Variants in ISCA1 observed in about 807,000 individuals in gnomAD.
ISCA1 encodes iron-sulfur cluster assembly 1, also known as iron-sulfur cluster assembly 1 homolog, mitochondrial.
ISCA1 carries 9 observed loss-of-function variants against 14.7 expected under a neutral mutation model. The ratio of observed to expected loss-of-function variants is 0.61; its 90% CI spans 0.37 to 1.07. The LOEUF (loss-of-function observed/expected upper bound fraction) is 1.07. Among genes scored for constraint, ISCA1 ranks in the 50% least tolerant of loss-of-function variants. The pLI is 0.01. For synonymous variants in ISCA1, 38 were observed against 54.3 expected, an observed-to-expected ratio of 0.70 and a Z score of 1.32; for missense variants, 102 against 150.1, an observed-to-expected ratio of 0.68 and a Z score of 1.67.
chr9:86,274,735 A>G (rs1825419965), intron 1 of ISCA1, among the ~76,000 whole-genome samples: 1 of 152,114 alleles, frequency 6.6e-6, no homozygotes, highest in Non-Finnish European at 1.5e-5. Context: ...GCATAGCTTG[A>G]GGAAACAGTG....
intron 1 of ISCA1, among the ~76,000 whole-genome samples, chr9:86,280,552 G>A (rs976766990): frequency 3.5e-5 from 5 of 143,506 alleles, no homozygotes; most frequent in African/African-American, 5.3e-5. Context: ...CTGAGATCAC[G>A]CCACTGCACT....
chr9:86,278,736 A>T (rs1297095204), intron 1 of ISCA1, among the ~76,000 whole-genome samples: 2 of 152,222 alleles, frequency 1.3e-5, no homozygotes, highest in East Asian at 3.8e-4. Flanking sequence ...GAAACAATTT[A>T]ACAAATTATT....
chr9:86,274,835 A>G (rs1028788126), intron 1 of ISCA1, among the ~76,000 whole-genome samples: 2 of 152,224 alleles, frequency 1.3e-5, no homozygotes, highest in African/African-American at 4.8e-5. Flanking sequence ...TTAAACCAAC[A>G]TCTCAGGAGA....
chr9:86,267,206 G>C (rs369188160), intron 3 of ISCA1: 35 of 470,616 alleles, frequency 7.4e-5, no homozygotes, highest in African/African-American at 6.5e-4. Context: ...GCCTGGGTAA[G>C]AGAGCAAGAC....
rs959161776 is a variant in ISCA1 at position 86,282,472 on chromosome 9, G to A, written c.-14C>T. 4.5e-6 allele frequency: 7 copies of A among 1,550,806 alleles called. 1 individual carries two copies. The highest frequency in any genetic ancestry group is 2.7e-5 in the African/African-American group (2 of 73,086). On this transcript the variant is annotated 5_prime_UTR_variant, in exon 1 of 4. Transcript: ENST00000375991. ...GGAAGCCGACATCTTCGCCGTCCCG[G>A]CGCCCCGGTGCCTCGGGCCGAAGGT...
At position 86,280,379 on chromosome 9, in the gene ISCA1, T is replaced by C. The variant is rs551381479; in HGVS notation, c.81+1999A>G. Among the ~76,000 whole-genome samples the C allele has an allele frequency of 2.0e-5, 3 of 150,732 alleles. No individual in the cohort carries two copies. In the South Asian group the frequency reaches 6.3e-4, roughly 32 times the overall value. ...GACGAGTGGATCACGAGGTCAGGAGTCCAAGACCAGCCTGGTGAAGATGGT... is the reference window on the plus strand; with the variant it reads ...GACGAGTGGATCACGAGGTCAGGAGCCCAAGACCAGCCTGGTGAAGATGGT... On this transcript the variant is annotated intron_variant, in intron 1 of 3. Transcript: ENST00000375991.
intron 3 of ISCA1, among the ~76,000 whole-genome samples, chr9:86,268,909 C>T (rs1009485204): frequency 6.6e-6 from 1 of 152,162 alleles, no homozygotes; most frequent in Non-Finnish European, 1.5e-5. Context: ...GATTCTCCTG[C>T]CTCAGCCTCC....
intron 1 of ISCA1, 192 bp downstream of exon 1, chr9:86,282,186 C>T (rs1326176518): frequency 6.3e-6 from 4 of 633,332 alleles, no homozygotes; most frequent in African/African-American, 3.9e-5. Flanking sequence ...CAGCCCCGCC[C>T]GGGACTTGTT....
chr9:86,281,282 G>T (rs747342417), intron 1 of ISCA1, among the ~76,000 whole-genome samples: 39 of 152,138 alleles, frequency 2.6e-4, no homozygotes, highest in Non-Finnish European at 5.1e-4. Flanking sequence ...CTAAAAAATT[G>T]ATTATAAAAA....
Position 86,265,888 on chromosome 9 carries a change from A to G in ISCA1, c.*155T>C. 1 of 1,196,880 alleles carries G rather than the reference A, an allele frequency of 8.4e-7. No homozygotes were observed. Among genetic ancestry groups the G allele is most frequent in the Non-Finnish European group, 1.2e-6 (1 of 803,870 alleles). 74.1% of individuals were successfully genotyped at this position (1,196,880 alleles called of 1,614,324 possible). On this transcript the variant is annotated 3_prime_UTR_variant, in exon 4 of 4. Transcript: ENST00000375991. Reference sequence around the variant, plus strand: ...TCATTTTCTGTCCCCTATAGAGAATATAAATATCATTTCTTCTGGAATCCA... The same window carrying G: ...TCATTTTCTGTCCCCTATAGAGAATGTAAATATCATTTCTTCTGGAATCCA...
intron 1 of ISCA1, among the ~76,000 whole-genome samples, chr9:86,280,071 G>A (rs1284494112): frequency 6.6e-6 from 1 of 152,188 alleles, no homozygotes; most frequent in Non-Finnish European, 1.5e-5. Flanking sequence ...GAACTGCTAT[G>A]ATAACATGTA....
chr9:86,274,032 T>C (rs1170165752), intron 2 of ISCA1, among the ~76,000 whole-genome samples, 157 bp downstream of exon 2: 1 of 152,230 alleles, frequency 6.6e-6, no homozygotes, highest in Non-Finnish European at 1.5e-5. Context: ...TTTAGTTAAA[T>C]ACCCTTTTGT....
rs546920481 is a variant in ISCA1, at chr9:86,273,190, T to C, written c.135+999A>G. 8.5e-5 allele frequency among the ~76,000 whole-genome samples: 13 copies of C among 152,338 alleles called. No individual in the cohort carries two copies. In the East Asian group the frequency reaches 2.5e-3, roughly 29 times the overall value. On this transcript the variant is annotated intron_variant, in intron 2 of 3. Coordinates refer to ENST00000375991, the MANE Select transcript of ISCA1 (RefSeq NM_030940.4). ...TCCATTACATTGTAATGTAGTAGGT[T>C]AACAACAGAAACCAGAAATCACCCC... is the stretch of plus-strand genomic sequence containing the variant.
chr9:86,271,216 T>C (rs1825365261), intron 3 of ISCA1, among the ~76,000 whole-genome samples: 1 of 152,166 alleles, frequency 6.6e-6, no homozygotes, highest in Admixed American at 6.5e-5. Context: ...CAGTACAGGT[T>C]TGTAGCCTAG....
chr9:86,266,085 G>A lies in ISCA1; in HGVS notation c.348C>T (p.Asn116=), dbSNP rs61743948. The A allele has an allele frequency of 0.024, 38,191 of 1,612,782 alleles. 570 individuals are homozygous for A. The highest frequency in any genetic ancestry group is 0.04 in the Middle Eastern group (214 of 5,406). The part of the protein sequence containing the change: ...LSSEFVFNNP[N]IKGTCGCGES... ...CTCCACAGCCACAAGTCCCTTTGAT[G>A]TTTGGGTTATTGAACACAAACTCAC... Residue 116 remains asparagine (N), a synonymous_variant, in exon 4 of 4, where the codon AAC becomes AAT. Coordinates refer to ENST00000375991, the MANE Select transcript of ISCA1 (RefSeq NM_030940.4).
At chr9:86,282,087 C>T in intron 1 of ISCA1, 1 of 452,018 alleles carries the variant, frequency 2.2e-6, no homozygotes. Context: ...CGATCGGCCC[C>T]CGGGGACGCC....
chr9:86,270,960 G>C (rs1300773318), intron 3 of ISCA1, among the ~76,000 whole-genome samples: 1 of 104,114 alleles, frequency 9.6e-6, no homozygotes, highest in Non-Finnish European at 1.8e-5. Context: ...GGGGAGGGGG[G>C]AGGGATAGCA....
At chr9:86,276,071 A>G (rs1191520754) in intron 1 of ISCA1, among the ~76,000 whole-genome samples, 4 of 152,270 alleles carry the variant, frequency 2.6e-5, no homozygotes, top group African/African-American at 9.6e-5. Context: ...TGTAATATAT[A>G]ATGAAATAAT....
chr9:86,270,273 G>C (rs1412997525), intron 3 of ISCA1, among the ~76,000 whole-genome samples: 5 of 149,726 alleles, frequency 3.3e-5, no homozygotes, highest in African/African-American at 7.5e-5. Context: ...CCATCAAAAA[G>C]TGGGCAAAGG....
Sources: gnomAD v4.1 joint callset for allele counts (sites outside exome capture counted in the v4.1 genomes callset) on GRCh38, gnomAD v4.1.1 for gene constraint, MANE v1.5 for transcripts, NCBI Gene and HGNC (gene_info 2026-07-23, HGNC 2026-07-21) for gene names.